The following MAGI2 variants were observed in gnomAD, a reference collection of about 807,000 sequenced individuals.
MAGI2 encodes membrane-associated guanylate kinase, WW and PDZ domain-containing protein 2.
MAGI2 carries 35 observed loss-of-function variants against 133.3 expected under a neutral mutation model. The observed-to-expected ratio is 0.26, with a 90% CI of 0.20 to 0.35. The LOEUF (loss-of-function observed/expected upper bound fraction) is 0.35, where lower values mean the gene tolerates loss of function less well. Among genes scored for constraint, MAGI2 ranks in the 10% least tolerant of loss-of-function variants. MAGI2 has a pLI of 1.00. For missense variants in MAGI2, 1,636 were observed against 1,863.4 expected (o/e 0.88, Z 2.25); for synonymous variants, 729 against 710.6 (o/e 1.03, Z -0.41).
chr7:79,203,390 T>C (rs1828775379), intron 1 of MAGI2, among the ~76,000 whole-genome samples: 1 of 152,044 alleles, frequency 6.6e-6, no homozygotes, highest in Admixed American at 6.6e-5. Context: ...AAAGCCCTAT[T>C]TCATCTGGTC....
At chr7:78,785,804 A>G (rs745470635) in intron 2 of MAGI2, among the ~76,000 whole-genome samples, 12 of 152,218 alleles carry the variant, frequency 7.9e-5, no homozygotes, top group African/African-American at 2.9e-4. Flanking sequence ...AATTTTAGAG[A>G]AAAGCTGAAG....
rs1422885824 is a variant in MAGI2, at chr7:78,070,653, T to A, written c.3706+8294A>T. On this transcript the variant is annotated intron_variant, in intron 21 of 21. Transcript: ENST00000354212. ...GTGTATATATATATATATTTTTTTT[T>A]TTTTTTTAGACGGAGTCTCACTCTG... Among the ~76,000 whole-genome samples, 12 of 148,974 alleles carry A rather than the reference T, an allele frequency of 8.1e-5. No homozygotes were observed. In the South Asian group the frequency reaches 1.3e-3, roughly 16 times the overall value.
chr7:78,949,664 A>T (rs1327379540), intron 2 of MAGI2, among the ~76,000 whole-genome samples: 1 of 152,228 alleles, frequency 6.6e-6, no homozygotes, highest in African/African-American at 2.4e-5. Context: ...TACAAAAATT[A>T]TTGAAAACCA....
intron 9 of MAGI2, among the ~76,000 whole-genome samples, chr7:78,292,973 T>C (rs1448475939): frequency 1.3e-5 from 2 of 152,174 alleles, no homozygotes; most frequent in African/African-American, 2.4e-5. Context: ...CCTAAAACCA[T>C]AGAAACCCTA....
At chr7:78,694,117 T>C (rs1817251229) in intron 2 of MAGI2, among the ~76,000 whole-genome samples, 1 of 152,110 alleles carries the variant, frequency 6.6e-6, no homozygotes, top group African/African-American at 2.4e-5. Flanking sequence ...CAGTTTCCCA[T>C]GCTCAGATAA....
chr7:78,018,990 T>G lies in MAGI2; in HGVS notation c.*325A>C, dbSNP rs1808010225. 2.5e-6 allele frequency: 1 copy of G among 400,482 alleles called. No individual in the cohort carries two copies. Among genetic ancestry groups the G allele is most frequent in the Non-Finnish European group, 4.4e-6 (1 of 227,252 alleles). 24.8% of individuals were successfully genotyped at this position (400,482 alleles called of 1,614,324 possible). A position where few individuals can be genotyped will look rare whatever the true frequency, so the allele number is the denominator to read the frequency against. On this transcript the variant is annotated 3_prime_UTR_variant, in exon 22 of 22. Coordinates refer to ENST00000354212, the MANE Select transcript of MAGI2 (RefSeq NM_012301.4). ...GTTTGGATGACATCCAAGTCCTTCA[T>G]GCAGTGGGGAGGAATATTTTTTTTT...
At chr7:78,925,413 C>A (rs1799617536) in intron 2 of MAGI2, among the ~76,000 whole-genome samples, 1 of 152,024 alleles carries the variant, frequency 6.6e-6, no homozygotes, top group Non-Finnish European at 1.5e-5. Flanking sequence ...TTGTATGCCT[C>A]TCTATTAAAT....
chr7:78,113,362 C>A (rs1040003364), intron 20 of MAGI2, among the ~76,000 whole-genome samples: 3 of 152,056 alleles, frequency 2.0e-5, no homozygotes, highest in Non-Finnish European at 4.4e-5. Context: ...GCTTTTGTAG[C>A]CTCTTGACAT....
intron 7 of MAGI2, among the ~76,000 whole-genome samples, chr7:78,351,007 C>G (rs1791451609): frequency 6.6e-6 from 1 of 152,094 alleles, no homozygotes; most frequent in Non-Finnish European, 1.5e-5. Context: ...TAGAAATAAT[C>G]AATGTGGAAG....
intron 1 of MAGI2, among the ~76,000 whole-genome samples, chr7:79,323,959 C>G (rs1266085859): frequency 6.6e-6 from 1 of 152,078 alleles, no homozygotes; most frequent in Non-Finnish European, 1.5e-5. Flanking sequence ...CATCTAGCCT[C>G]CTGGGGATGC....
At chr7:79,061,366 A>G (rs1479947447) in intron 1 of MAGI2, among the ~76,000 whole-genome samples, 1 of 151,988 alleles carries the variant, frequency 6.6e-6, no homozygotes, top group Non-Finnish European at 1.5e-5. Context: ...TTCAAGCTCA[A>G]CGAGGCTGAG....
At chr7:78,311,821 A>G (rs2151096982) in intron 9 of MAGI2, among the ~76,000 whole-genome samples, 1 of 150,104 alleles carries the variant, frequency 6.7e-6, no homozygotes, top group Non-Finnish European at 1.5e-5. Flanking sequence ...TCCAGGCTGG[A>G]GTGCAGTGGC....
chr7:78,589,285 A>G (rs1803744985), intron 3 of MAGI2, among the ~76,000 whole-genome samples: 1 of 152,200 alleles, frequency 6.6e-6, no homozygotes, highest in Non-Finnish European at 1.5e-5. Flanking sequence ...ATTTTACATA[A>G]ATTAACTCAC....
chr7:78,855,370 C>T (rs1257003292), intron 2 of MAGI2, among the ~76,000 whole-genome samples: 1 of 152,164 alleles, frequency 6.6e-6, no homozygotes, highest in African/African-American at 2.4e-5. Context: ...TCATCATTTA[C>T]ATTAGGTATA....
In MAGI2 at chr7:78,617,018, T is replaced by G. The variant is rs1254850875; in HGVS notation, c.538+10102A>C. ...TACAGAATAAATGGTCAATTATAAG[T>G]GCAATAAAAAATAAATAATTGGAAC... is the stretch of plus-strand genomic sequence containing the variant. On this transcript the variant is annotated intron_variant, in intron 3 of 21. Transcript: ENST00000354212. The G allele has an allele frequency of 2.0e-5, 3 of 152,172 alleles. No individual in the cohort carries two copies. The East Asian group carries it at 5.8e-4, about 29-fold the overall frequency. 9.4% of individuals were successfully genotyped at this position (152,172 alleles called of 1,614,324 possible).
chr7:78,685,962 T>C (rs559495112), intron 2 of MAGI2, among the ~76,000 whole-genome samples: 29 of 81,336 alleles, frequency 3.6e-4, no homozygotes, highest in African/African-American at 1.1e-3. Flanking sequence ...TTTCTTTTTC[T>C]TTTTTTTCTT....
At chr7:79,325,909 C>T (rs554421883) in intron 1 of MAGI2, among the ~76,000 whole-genome samples, 2 of 152,226 alleles carry the variant, frequency 1.3e-5, no homozygotes, top group Non-Finnish European at 2.9e-5. Flanking sequence ...GAAAACTCAA[C>T]AACATGATAA....
At chr7:79,296,230 A>G (rs1836918572) in intron 1 of MAGI2, among the ~76,000 whole-genome samples, 1 of 152,178 alleles carries the variant, frequency 6.6e-6, no homozygotes, top group South Asian at 2.1e-4. Flanking sequence ...TCTTATCTAA[A>G]GTTGTAATAG....
intron 3 of MAGI2, among the ~76,000 whole-genome samples, chr7:78,602,469 T>C (rs1805309672): frequency 6.6e-6 from 1 of 152,188 alleles, no homozygotes; most frequent in African/African-American, 2.4e-5. Flanking sequence ...CGATTAAATA[T>C]TCTTTTTCTT....
Sources: allele counts gnomAD v4.1 joint callset (sites outside exome capture counted in the v4.1 genomes callset), GRCh38; gene constraint gnomAD v4.1.1; transcripts MANE v1.5; gene names NCBI Gene and HGNC (gene_info 2026-07-23, HGNC 2026-07-21).